GALNT7: variants seen among roughly 807,000 people sequenced by gnomAD.
GALNT7 encodes polypeptide N-acetylgalactosaminyltransferase 7, also known as N-acetylgalactosaminyltransferase 7.
GALNT7 carries 60 observed loss-of-function variants against 82.1 expected under a neutral mutation model. The observed-to-expected ratio is 0.73, with a 90% CI of 0.59 to 0.91. The LOEUF (loss-of-function observed/expected upper bound fraction) is 0.91. Ranked by LOEUF, GALNT7 falls within the 40% of genes least tolerant of loss-of-function variation. GALNT7 has a pLI of 0.00. For synonymous variants in GALNT7, 243 were observed against 275.1 expected, an observed-to-expected ratio of 0.88 and a Z score of 1.15; for missense variants, 660 against 804.2, an observed-to-expected ratio of 0.82 and a Z score of 2.17.
intron 1 of GALNT7, among the ~76,000 whole-genome samples, chr4:173,232,628 G>C (rs962896416): frequency 1.3e-5 from 2 of 151,890 alleles, no homozygotes; most frequent in Non-Finnish European, 2.9e-5. Flanking sequence ...AAAGATGGGG[G>C]TCTCTCTATG....
At chr4:173,234,102 CAT>C (rs1163385572) in intron 1 of GALNT7, among the ~76,000 whole-genome samples, 11 of 152,196 alleles carry the variant, frequency 7.2e-5, no homozygotes, top group Non-Finnish European at 1.3e-4. Flanking sequence ...GGCTTCTCGA[CAT>C]AGTTCACCGT....
chr4:173,266,607 G>A (rs1735502839), intron 2 of GALNT7, among the ~76,000 whole-genome samples: 1 of 152,106 alleles, frequency 6.6e-6, no homozygotes, highest in Non-Finnish European at 1.5e-5. Flanking sequence ...TTTAAATGTG[G>A]ACATATAAAA....
intron 1 of GALNT7, among the ~76,000 whole-genome samples, chr4:173,233,522 A>G (rs1734111363): frequency 6.6e-6 from 1 of 152,206 alleles, no homozygotes; most frequent in Non-Finnish European, 1.5e-5. Context: ...TGCAGTATTT[A>G]ACAGAGCTAA....
Position 173,298,298 on chromosome 4 carries a change from G to A in GALNT7, c.1148+1G>A, listed in dbSNP as rs766682971. 9.0e-6 allele frequency: 14 copies of A among 1,547,796 alleles called. No homozygotes were observed. Among genetic ancestry groups the A allele is most frequent in the Non-Finnish European group, 1.2e-5 (14 of 1,152,184 alleles). Reference sequence around the variant, plus strand: ...GAAAGACAAAAACTGAACCGTATCGGTAATCACTAAATCACTTACATATTT... The same window carrying A: ...GAAAGACAAAAACTGAACCGTATCGATAATCACTAAATCACTTACATATTT... On this transcript the variant is annotated splice_donor_variant, in intron 6 of 11. Transcript: ENST00000265000. LOFTEE classifies it high-confidence loss of function.
At chr4:173,242,769 C>A (rs1485452773) in intron 1 of GALNT7, among the ~76,000 whole-genome samples, 2 of 152,194 alleles carry the variant, frequency 1.3e-5, no homozygotes, top group Non-Finnish European at 2.9e-5. Flanking sequence ...GGAGCCCCAG[C>A]CTACTGGCAC....
At chr4:173,261,511 C>T (rs931687238) in intron 2 of GALNT7, among the ~76,000 whole-genome samples, 2 of 152,002 alleles carry the variant, frequency 1.3e-5, no homozygotes, top group African/African-American at 4.8e-5. Context: ...CACCCTTTAA[C>T]GTGCTTAAAA....
At chr4:173,247,896 C>T (rs1734702135) in intron 1 of GALNT7, 84 bp from the exon 2 acceptor site, 1 of 855,058 alleles carries the variant, frequency 1.2e-6, no homozygotes, top group South Asian at 1.7e-5. Context: ...CAGCCTTTTT[C>T]AAAACCTGAA....
chr4:173,318,508 T>C lies in GALNT7; in HGVS notation c.1785T>C (p.Val595=). 1 of 1,578,482 alleles carries C rather than the reference T, an allele frequency of 6.3e-7. No individual in the cohort carries two copies. Among genetic ancestry groups the C allele is most frequent in the Non-Finnish European group, 8.7e-7 (1 of 1,148,526 alleles). ...CLTKGADGSK[V]MITHCNLNEF... is the part of the protein sequence containing the mutation. ...CAAAGGGAGCTGATGGATCAAAAGT[T>C]ATGATTACACACTGTAATCTAAATG... is the stretch of plus-strand genomic sequence containing the variant. The change falls in exon 11 of 12, where the codon GTT becomes GTC. Residue 595 remains valine, a synonymous_variant. Transcript: ENST00000265000.
At chr4:173,237,108 A>G (rs1734258918) in intron 1 of GALNT7, among the ~76,000 whole-genome samples, 1 of 152,130 alleles carries the variant, frequency 6.6e-6, no homozygotes, top group African/African-American at 2.4e-5. Flanking sequence ...CCTAAAATGG[A>G]TTTCTAGTCG....
In GALNT7 at chr4:173,224,609, A is replaced by C. The variant is rs549253134; in HGVS notation, c.127-23371A>C. 1.3e-4 allele frequency among the ~76,000 whole-genome samples: 20 copies of C among 152,330 alleles called. No homozygotes were observed. The South Asian group carries it at 4.1e-3, about 32-fold the overall frequency. On this transcript the variant is annotated intron_variant, in intron 1 of 11. Coordinates refer to ENST00000265000, the MANE Select transcript of GALNT7 (RefSeq NM_017423.3). The stretch of plus-strand genomic sequence containing the variant: ...TTTGTATATCACACTTAAAACTTGC[A>C]ATATATTTATTTGATTCATATATAC...
chr4:173,193,041 A>G (rs994375689), intron 1 of GALNT7, among the ~76,000 whole-genome samples: 24 of 152,218 alleles, frequency 1.6e-4, no homozygotes, highest in Non-Finnish European at 2.9e-4. Flanking sequence ...AGGTTTGCCA[A>G]GGAAGCCAGT....
intron 1 of GALNT7, among the ~76,000 whole-genome samples, chr4:173,214,802 AT>A (rs11330284): frequency 0.76 from 111,860 of 147,194 alleles, 42,663 homozygotes; most frequent in East Asian, 0.86. Context: ...TATGACTTGG[AT>A]TTTTTTTTTT....
intron 2 of GALNT7, among the ~76,000 whole-genome samples, chr4:173,264,458 G>A (rs1351510753): frequency 6.6e-6 from 1 of 152,182 alleles, no homozygotes; most frequent in Non-Finnish European, 1.5e-5. Flanking sequence ...TGAGCACACA[G>A]TAGGGTTAGA....
At chr4:173,312,614 C>A (rs997492023) in intron 8 of GALNT7, among the ~76,000 whole-genome samples, 5 of 152,226 alleles carry the variant, frequency 3.3e-5, no homozygotes, top group Non-Finnish European at 7.3e-5. Flanking sequence ...AGAGACAAAT[C>A]ACATGCAAAT....
At chr4:173,298,877 T>G (rs2126841709) in intron 6 of GALNT7, among the ~76,000 whole-genome samples, 1 of 152,374 alleles carries the variant, frequency 6.6e-6, no homozygotes, top group African/African-American at 2.4e-5. Flanking sequence ...TATTGCTTCA[T>G]TCTCAGAAAA....
Position 173,321,614 on chromosome 4 carries a change from A to G in GALNT7, c.1871A>G (p.Lys624Arg). 5 of 1,609,962 alleles carry G rather than the reference A, an allele frequency of 3.1e-6. No individual in the cohort carries two copies. Among genetic ancestry groups the G allele is most frequent in the Non-Finnish European group, 4.2e-6 (5 of 1,176,510 alleles). Residue 624 changes from lysine (K) to arginine (R), a missense_variant, in exon 12 of 12, where the codon AAG (lysine) becomes AGG (arginine). Around this residue, in one of 2 missense-constraint regions of GALNT7, gnomAD observed 527 missense variants for 683.5 expected, o/e 0.77. Coordinates refer to ENST00000265000, the MANE Select transcript of GALNT7 (RefSeq NM_017423.3). ...AGATTTACTCATATTCCTTCAGGAA[A>G]GTGTTTAGATCGCTCAGAGGTCCTG... is the stretch of plus-strand genomic sequence containing the variant. ...LHRFTHIPSGKCLDRSEVLHQ... is the reference protein window; with the variant it reads ...LHRFTHIPSGRCLDRSEVLHQ...
chr4:173,290,168 A>C (rs1050833301), intron 2 of GALNT7, among the ~76,000 whole-genome samples: 11 of 152,184 alleles, frequency 7.2e-5, no homozygotes, highest in African/African-American at 2.7e-4. Flanking sequence ...AGGTATATAC[A>C]AAAGGATGAT....
chr4:173,203,852 T>A (rs981194121), intron 1 of GALNT7, among the ~76,000 whole-genome samples: 1 of 152,254 alleles, frequency 6.6e-6, no homozygotes, highest in Non-Finnish European at 1.5e-5. Flanking sequence ...TTAACCTTCA[T>A]ACTAAAGTAT....
rs76481907 is a variant in GALNT7, at chr4:173,208,807, A to G, written c.127-39173A>G. Among the ~76,000 whole-genome samples, 768 of 152,342 alleles carry G rather than the reference A, an allele frequency of 5.0e-3. 6 individuals are homozygous for G. Among genetic ancestry groups the G allele is most frequent in the African/African-American group, 0.018 (729 of 41,574 alleles). On this transcript the variant is annotated intron_variant, in intron 1 of 11. Coordinates refer to ENST00000265000, the MANE Select transcript of GALNT7 (RefSeq NM_017423.3). ...AGCTGAACATTGCAGTGCTTTGTAT[A>G]TATAGAAATTTTAAAATTTTTATGT...
Sources: allele counts gnomAD v4.1 joint callset (sites outside exome capture counted in the v4.1 genomes callset), GRCh38; gene constraint gnomAD v4.1.1; regional missense constraint gnomAD v4.1.1; transcripts MANE v1.5; gene names NCBI Gene and HGNC (gene_info 2026-07-23, HGNC 2026-07-21).